Variants in SIL1 observed in about 807,000 individuals in gnomAD.
The protein encoded by SIL1 is nucleotide exchange factor SIL1.
SIL1 carries 40 observed loss-of-function variants against 49.1 expected under a neutral mutation model. The ratio of observed to expected loss-of-function variants is 0.81; its 90% CI spans 0.63 to 1.06. The LOEUF (loss-of-function observed/expected upper bound fraction) is 1.06. Among genes scored for constraint, SIL1 ranks in the 50% least tolerant of loss-of-function variants. The pLI, the probability that SIL1 is intolerant of heterozygous loss-of-function variation, is 0.00. For synonymous variants in SIL1, 253 were observed against 250.8 expected, an observed-to-expected ratio of 1.01 and a Z score of -0.08; for missense variants, 500 against 572.6, an observed-to-expected ratio of 0.87 and a Z score of 1.29.
At chr5:139,128,010 C>T (rs746026484) in intron 1 of SIL1, 157 bp from the exon 2 acceptor site, 1 of 660,530 alleles carries the variant, frequency 1.5e-6, no homozygotes, top group South Asian at 1.5e-5. Context: ...TCTGAAGCCT[C>T]CATCTACCAT....
chr5:139,076,545 C>T (rs555767260), intron 3 of SIL1, among the ~76,000 whole-genome samples: 244 of 152,268 alleles, frequency 1.6e-3, no homozygotes, highest in Non-Finnish European at 2.8e-3. Flanking sequence ...CAGTCATTTG[C>T]GCTTTGCCCC....
At chr5:139,133,791 T>C (rs1372793607) in intron 1 of SIL1, among the ~76,000 whole-genome samples, 2 of 152,190 alleles carry the variant, frequency 1.3e-5, no homozygotes, top group Non-Finnish European at 2.9e-5. Flanking sequence ...TTTTCCTGAA[T>C]CTCCTGGGAA....
intron 7 of SIL1, among the ~76,000 whole-genome samples, chr5:138,988,412 T>C (rs914532469): frequency 1.3e-5 from 2 of 152,206 alleles, no homozygotes; most frequent in African/African-American, 4.8e-5. Context: ...CAAAGATGTT[T>C]TGTGAGTCAT....
rs535483062 is a variant in SIL1 at position 139,100,621 on chromosome 5, G to A, written c.244+20414C>T. Among the ~76,000 whole-genome samples, 355 of 152,284 alleles carry A rather than the reference G, an allele frequency of 2.3e-3. 1 individual carries two copies. Among genetic ancestry groups the A allele is most frequent in the African/African-American group, 8.3e-3 (345 of 41,538 alleles). On this transcript the variant is annotated intron_variant, in intron 3 of 9. Transcript: ENST00000394817. ...AATTAGATGTCTATTCAATAATCCA[G>A]GTGAGAGATCATGGTGATCACACGG...
In SIL1 at chr5:138,947,037, C is replaced by G. The variant is rs927789907; in HGVS notation, c.*80G>C. The G allele has an allele frequency of 3.5e-5, 37 of 1,069,590 alleles. No homozygotes were observed. Among genetic ancestry groups the G allele is most frequent in the Admixed American group, 9.8e-5 (5 of 51,118 alleles). 66.3% of individuals were successfully genotyped at this position (1,069,590 alleles called of 1,614,324 possible). On this transcript the variant is annotated 3_prime_UTR_variant, in exon 10 of 10. Transcript: ENST00000394817. This position sits in a 1 kb window ranked among gnomAD's most constrained non-coding sequence, Gnocchi z 4.1. ...GGCCAAGCCAGCACTGCCAAGATGT[C>G]CTCCTGCCTGAGAAGCCCACCCACG... is the stretch of plus-strand genomic sequence containing the variant.
At chr5:139,040,826 A>G (rs1299315673) in intron 5 of SIL1, among the ~76,000 whole-genome samples, 1 of 152,142 alleles carries the variant, frequency 6.6e-6, no homozygotes, top group Non-Finnish European at 1.5e-5. Flanking sequence ...CTTTTAAGTA[A>G]TCTCTTGGTT....
At chr5:139,060,806 G>A (rs1769568569) in intron 3 of SIL1, among the ~76,000 whole-genome samples, 1 of 152,152 alleles carries the variant, frequency 6.6e-6, no homozygotes, top group African/African-American at 2.4e-5. Flanking sequence ...TAAGGCTCAG[G>A]GCCTAGACAC....
chr5:138,974,706 T>C (rs1391554205), intron 7 of SIL1, among the ~76,000 whole-genome samples: 1 of 152,142 alleles, frequency 6.6e-6, no homozygotes, highest in African/African-American at 2.4e-5. Context: ...TTATGTTGCT[T>C]GGGAAGTCAA....
intron 5 of SIL1, among the ~76,000 whole-genome samples, chr5:139,040,662 C>A (rs1046973003): frequency 6.6e-6 from 1 of 151,618 alleles, no homozygotes; most frequent in Non-Finnish European, 1.5e-5. Context: ...TCATGCCCGG[C>A]TAATTTTTGC....
intron 1 of SIL1, among the ~76,000 whole-genome samples, chr5:139,165,418 G>T (rs898134214): frequency 2.0e-5 from 3 of 151,586 alleles, no homozygotes; most frequent in African/African-American, 7.3e-5. Context: ...GTGTGATCTC[G>T]GCTCACTGCA....
At chr5:139,104,187 A>G (rs1770653331) in intron 3 of SIL1, among the ~76,000 whole-genome samples, 1 of 152,198 alleles carries the variant, frequency 6.6e-6, no homozygotes, top group Non-Finnish European at 1.5e-5. Flanking sequence ...GCCTTTAAAG[A>G]CGGCAGCACG....
intron 3 of SIL1, among the ~76,000 whole-genome samples, chr5:139,071,200 GA>G (rs1554130669): frequency 1.1e-4 from 2 of 17,560 alleles, no homozygotes; most frequent in East Asian, 1.2e-3. Context: ...AGAAGAAGAA[GA>G]AAAAAAAAAG....
intron 3 of SIL1, among the ~76,000 whole-genome samples, chr5:139,069,625 G>T (rs1023230699): frequency 2.0e-5 from 3 of 151,966 alleles, no homozygotes; most frequent in African/African-American, 7.2e-5. Flanking sequence ...TTCCTGAAAT[G>T]AAAAAAATAC....
At chr5:139,093,415 C>T (rs1444782534) in intron 3 of SIL1, among the ~76,000 whole-genome samples, 1 of 152,190 alleles carries the variant, frequency 6.6e-6, no homozygotes, top group Non-Finnish European at 1.5e-5. Flanking sequence ...AGGTGCCGTC[C>T]ACAATCCTTC....
chr5:139,021,796 G>A (rs1768535712), intron 6 of SIL1: 2 of 180,354 alleles, frequency 1.1e-5, no homozygotes, highest in South Asian at 1.2e-4. Flanking sequence ...CTGGGGAGGG[G>A]GGAATAACAA....
intron 3 of SIL1, 86 bp downstream of exon 3, chr5:139,120,949 C>T: frequency 1.3e-6 from 2 of 1,551,034 alleles, no homozygotes; most frequent in Non-Finnish European, 1.8e-6. Flanking sequence ...AGAAGAGCAG[C>T]CTGAAGGAGC....
chr5:139,150,100 T>C (rs937442623), intron 1 of SIL1, among the ~76,000 whole-genome samples: 22 of 152,224 alleles, frequency 1.4e-4, no homozygotes, highest in Non-Finnish European at 2.9e-4. Flanking sequence ...CAACTTCTAC[T>C]TCACTTAATA....
intron 1 of SIL1, among the ~76,000 whole-genome samples, chr5:139,182,006 A>T (rs940164588): frequency 1.3e-5 from 2 of 152,074 alleles, no homozygotes; most frequent in Non-Finnish European, 2.9e-5. Context: ...TTTAAGGCAG[A>T]GAAGGGGGTG....
chr5:139,125,317 T>C (rs1405897065), intron 2 of SIL1, among the ~76,000 whole-genome samples: 1 of 152,236 alleles, frequency 6.6e-6, no homozygotes, highest in Non-Finnish European at 1.5e-5. Flanking sequence ...CTCAAGTGAC[T>C]GGCAAGAAAT....
Sources: gnomAD v4.1 joint callset for allele counts (sites outside exome capture counted in the v4.1 genomes callset) on GRCh38, gnomAD v4.1.1 for gene constraint, Gnocchi (gnomAD v3.1) non-coding constraint, MANE v1.5 for transcripts, NCBI Gene and HGNC (gene_info 2026-07-23, HGNC 2026-07-21) for gene names.